Variants in OGG1 observed in about 807,000 individuals in gnomAD.
OGG1 encodes the protein 8-oxoguanine DNA glycosylase, also known as N-glycosylase/DNA lyase.
OGG1 carries 35 observed loss-of-function variants against 42.3 expected under a neutral mutation model. The ratio of observed to expected loss-of-function variants is 0.83; its 90% confidence interval spans 0.63 to 1.10. The LOEUF (loss-of-function observed/expected upper bound fraction) is 1.10, where lower values mean the gene tolerates loss of function less well. Ranked by LOEUF, OGG1 falls within the 50% of genes least tolerant of loss-of-function variation. The pLI is 0.00. For synonymous variants in OGG1, 189 were observed against 179.0 expected (o/e 1.06, Z -0.44); for missense variants, 484 against 446.7 (o/e 1.08, Z -0.75).
intron 7 of OGG1, chr3:9,763,221 G>A: frequency 6.2e-7 from 1 of 1,613,744 alleles, no homozygotes; most frequent in Non-Finnish European, 8.5e-7. Context: ...ATCCTGAAAG[G>A]AGAAATGAGG....
At chr3:9,777,297 G>T (rs2078378124) in intron 2 of OGG1, among the ~76,000 whole-genome samples, 1 of 152,188 alleles carries the variant, frequency 6.6e-6, no homozygotes, top group African/African-American at 2.4e-5. Context: ...TTGGAGACTT[G>T]AGGTACTGGA....
At chr3:9,759,819 C>A (rs762600121), downstream of OGG1, 1 of 1,612,952 alleles carries the variant, frequency 6.2e-7, no homozygotes, top group South Asian at 1.1e-5. Context: ...CAAGAGCATA[C>A]CCACTCCCTC....
downstream of OGG1, chr3:9,758,032 G>T: frequency 3.7e-6 from 3 of 801,232 alleles, no homozygotes; most frequent in Non-Finnish European, 5.7e-6. Context: ...ACACACACAC[G>T]CACATATGTT....
intron 4 of OGG1, among the ~76,000 whole-genome samples, chr3:9,755,655 G>T (rs2077511094): frequency 6.6e-6 from 1 of 151,022 alleles, no homozygotes; most frequent in Non-Finnish European, 1.5e-5. Flanking sequence ...GTAGAGATGG[G>T]GTTTCACCAT....
downstream of OGG1, among the ~76,000 whole-genome samples, chr3:9,790,267 A>C (rs929511240): frequency 1.3e-5 from 2 of 152,198 alleles, no homozygotes; most frequent in Non-Finnish European, 2.9e-5. Flanking sequence ...GCAAACCTTC[A>C]CTTCGATGTC....
intron 2 of OGG1, chr3:9,780,221 G>A: frequency 1.1e-6 from 1 of 898,964 alleles, no homozygotes; most frequent in South Asian, 1.8e-5. Flanking sequence ...GACCTCAGGG[G>A]AAGGGCCACG....
Position 9,751,828 on chromosome 3 carries a change from C to T in OGG1, c.444C>T (p.Ser148=), listed in dbSNP as rs2077314196. ...GCCTTTTCTCTTTTATCTGTTCCTC[C>T]AACAACAACATCGCCCGCATCACTG... is the stretch of plus-strand genomic sequence containing the variant. ...IECLFSFICS[S]NNNIARITGM... is the part of the protein sequence containing the mutation. The change falls in exon 3 of 7, where the codon TCC becomes TCT. Residue 148 remains serine, a synonymous_variant. Transcript: ENST00000344629. 1.2e-6 allele frequency: 2 copies of T among 1,614,118 alleles called. No homozygotes were observed. Among genetic ancestry groups the T allele is most frequent in the East Asian group, 4.5e-5 (2 of 44,888 alleles).
At chr3:9,787,628 T>A (rs1161100998) in intron 3 of OGG1, 1 of 1,279,780 alleles carries the variant, frequency 7.8e-7, no homozygotes, top group Non-Finnish European at 1.1e-6. Flanking sequence ...GTCACAGCAA[T>A]TGCCTCTCGA....
intron 3 of OGG1, among the ~76,000 whole-genome samples, chr3:9,786,317 C>T (rs995244622): frequency 6.6e-6 from 1 of 152,130 alleles, no homozygotes; most frequent in South Asian, 2.1e-4. Context: ...CCACCGTCAG[C>T]TGGGGTCCCT....
At chr3:9,757,959 GTTATT>G (rs1046431761), downstream of OGG1, 53 of 1,482,474 alleles carry the variant, frequency 3.6e-5, no homozygotes, top group African/African-American at 2.5e-4. This position sits in a 1 kb window ranked among gnomAD's most constrained non-coding sequence, Gnocchi z 4.5. Context: ...TCATTCAGGA[GTTATT>G]TTATTAATTC....
chr3:9,767,705 G>A (rs769485714), downstream of OGG1: 5 of 1,613,998 alleles, frequency 3.1e-6, no homozygotes, highest in Admixed American at 1.7e-5. Context: ...TGTCTCTAAT[G>A]TCCTCCGCCT....
downstream of OGG1, chr3:9,762,359 T>C (rs2077920842): frequency 6.5e-6 from 1 of 153,446 alleles, no homozygotes; most frequent in Admixed American, 6.5e-5. Context: ...GATTTTTTGT[T>C]TTTATTTTAT....
chr3:9,753,953 C>T (rs1362963805), intron 3 of OGG1, among the ~76,000 whole-genome samples: 4 of 152,118 alleles, frequency 2.6e-5, no homozygotes, highest in African/African-American at 9.7e-5. Flanking sequence ...GCCTGGGCAA[C>T]ATAGTGAGAC....
downstream of OGG1, among the ~76,000 whole-genome samples, chr3:9,770,673 A>C (rs2078281805): frequency 6.6e-6 from 1 of 152,102 alleles, no homozygotes; most frequent in Non-Finnish European, 1.5e-5. Context: ...GGGGCTCCAG[A>C]GTTTGATGGC....
chr3:9,759,027 G>A, downstream of OGG1: 2 of 698,194 alleles, frequency 2.9e-6, no homozygotes, highest in Admixed American at 2.0e-5. Context: ...TGGCATATGA[G>A]GCCCTAAGAG....
chr3:9,767,916 A>T (rs2078199831), downstream of OGG1: 2 of 1,295,556 alleles, frequency 1.5e-6, no homozygotes, highest in Admixed American at 6.0e-5. Context: ...CATTCAACAA[A>T]CATTCATTTG....
intron 4 of OGG1, among the ~76,000 whole-genome samples, chr3:9,755,301 C>G (rs2077485191): frequency 6.6e-6 from 1 of 152,134 alleles, no homozygotes; most frequent in Non-Finnish European, 1.5e-5. Context: ...TGCCCTCAAG[C>G]AGTGTTCCTG....
downstream of OGG1, among the ~76,000 whole-genome samples, chr3:9,768,006 C>A (rs141216922): frequency 3.3e-3 from 496 of 152,342 alleles, 3 homozygotes; most frequent in African/African-American, 0.012. Flanking sequence ...TTAACAAAGT[C>A]ATGCATTCAT....
rs1322311793 is a variant in OGG1 at position 9,750,151 on chromosome 3, CAG to C, written c.-135_-134del. 1.8e-6 allele frequency: 2 copies of C among 1,135,644 alleles called. No individual in the cohort carries two copies. Among genetic ancestry groups the C allele is most frequent in the East Asian group, 4.8e-5 (2 of 41,918 alleles). The allele number at this position is 1,135,644 out of a possible 1,614,324, so 70.3% of individuals were successfully genotyped here. On this transcript the variant is annotated 5_prime_UTR_variant, in exon 1 of 7. It introduces an in-frame stop codon into an upstream open reading frame of the 5' UTR. Transcript: ENST00000344629. ...CAGGAGGTGGAGGAATTAAGTGAAA[CAG>C]GGAAGGTTGTTAAACAGCACCGTGT...
Sources: allele counts gnomAD v4.1 joint callset (sites outside exome capture counted in the v4.1 genomes callset), GRCh38; gene constraint gnomAD v4.1.1; non-coding constraint Gnocchi (gnomAD v3.1); transcripts MANE v1.5; gene names NCBI Gene and HGNC (gene_info 2026-07-23, HGNC 2026-07-21).